Variants in MYO18B observed in about 807,000 individuals in gnomAD.
The protein encoded by MYO18B is unconventional myosin-XVIIIb.
In MYO18B, 204 loss-of-function variants were observed where a neutral mutation model predicts 273.0. That is an observed-to-expected ratio of 0.75 (90% CI 0.67 to 0.84). MYO18B has a LOEUF of 0.84. Ranked by LOEUF, MYO18B falls within the 40% of genes least tolerant of loss-of-function variation. The pLI, the probability that MYO18B is intolerant of heterozygous loss-of-function variation, is 0.00. For synonymous variants in MYO18B, 1,330 were observed against 1,305.7 expected (o/e 1.02, Z -0.40); for missense variants, 3,212 against 3,287.6 (o/e 0.98, Z 0.56).
At position 25,842,367 on chromosome 22, in the gene MYO18B, A is replaced by G. The variant is rs577517941; in HGVS notation, c.3209-1368A>G. On this transcript the variant is annotated intron_variant, in intron 17 of 43. Coordinates refer to ENST00000335473, the MANE Select transcript of MYO18B (RefSeq NM_032608.7). Reference sequence around the variant, plus strand: ...ATCCAAGAGTCATGATAATCTGACCACTCTTAATAGGAATCCATCTGGGGG... The same window carrying G: ...ATCCAAGAGTCATGATAATCTGACCGCTCTTAATAGGAATCCATCTGGGGG... Among the ~76,000 whole-genome samples the G allele has an allele frequency of 1.3e-4, 20 of 152,094 alleles. 1 individual carries two copies. The highest frequency in any genetic ancestry group is 3.9e-4 in the Admixed American group (6 of 15,266).
intron 18 of MYO18B, among the ~76,000 whole-genome samples, chr22:25,845,573 T>G (rs1206960453): frequency 6.6e-6 from 1 of 152,090 alleles, no homozygotes; most frequent in East Asian, 1.9e-4. Flanking sequence ...GCCACTAACC[T>G]CAGAATCTGT....
In MYO18B at chr22:26,030,923, T is replaced by C; in HGVS notation, c.*493T>C. On this transcript the variant is annotated 3_prime_UTR_variant, in exon 44 of 44. Transcript: ENST00000335473. The stretch of plus-strand genomic sequence containing the variant: ...TAATCCCCATGCTTGTCGATTATAT[T>C]CCTTTGCCAATTCATTTCTCTATCC... 2.5e-6 allele frequency: 1 copy of C among 398,588 alleles called. No homozygotes were observed. The highest frequency in any genetic ancestry group is 4.4e-6 in the Non-Finnish European group (1 of 226,062). 24.7% of individuals were successfully genotyped at this position (398,588 alleles called of 1,614,324 possible). A position where few individuals can be genotyped will look rare whatever the true frequency, so the allele number is the denominator to read the frequency against.
chr22:25,849,634 G>A (rs150789075), intron 20 of MYO18B, among the ~76,000 whole-genome samples: 1 of 152,164 alleles, frequency 6.6e-6, no homozygotes, highest in Non-Finnish European at 1.5e-5. Flanking sequence ...ATTACCTATC[G>A]TGCAGCCTGG....
At chr22:25,907,803 G>A (rs946271628) in intron 31 of MYO18B, among the ~76,000 whole-genome samples, 1 of 152,160 alleles carries the variant, frequency 6.6e-6, no homozygotes, top group Non-Finnish European at 1.5e-5. Context: ...GGGAGGCTGA[G>A]GCGGGTGGAT....
At chr22:26,051,368 C>G in the MYO18B span, among the ~76,000 whole-genome samples, 1 of 151,964 alleles carries the variant, frequency 6.6e-6, no homozygotes, top group South Asian at 2.1e-4. Context: ...GGATTACAGG[C>G]GCCCACCACC....
intron 34 of MYO18B, 35 bp from the exon 35 acceptor site, chr22:25,946,097 ATTTTC>A (rs1034265705): frequency 3.2e-6 from 3 of 951,762 alleles, no homozygotes; most frequent in Non-Finnish European, 4.2e-6. Flanking sequence ...TTCCCTTCTC[ATTTTC>A]TTTTCTTCTC....
At chr22:25,994,588 C>T (rs181523783) in intron 40 of MYO18B, among the ~76,000 whole-genome samples, 63 of 152,350 alleles carry the variant, frequency 4.1e-4, no homozygotes, top group Middle Eastern at 3.4e-3. Context: ...CAAGTATTCC[C>T]GCTATTCCCT....
chr22:25,841,013 C>G (rs773690365), intron 17 of MYO18B, among the ~76,000 whole-genome samples: 1 of 152,236 alleles, frequency 6.6e-6, no homozygotes, highest in Non-Finnish European at 1.5e-5. Flanking sequence ...TGAGAACATT[C>G]AATCATCCAG....
chr22:25,885,312 A>G (rs984285610), intron 25 of MYO18B, among the ~76,000 whole-genome samples: 10 of 152,200 alleles, frequency 6.6e-5, no homozygotes, highest in Non-Finnish European at 1.2e-4. Context: ...GGTGAATGGC[A>G]GAACTGTGAT....
chr22:25,770,274 G>C, intron 5 of MYO18B, 98 bp downstream of exon 5: 1 of 1,224,200 alleles, frequency 8.2e-7, no homozygotes. Flanking sequence ...ATACTTTGGT[G>C]GTCAGGAGGG....
intron 1 of MYO18B, among the ~76,000 whole-genome samples, chr22:25,749,781 G>A (rs1331544372): frequency 2.6e-5 from 4 of 152,190 alleles, no homozygotes; most frequent in African/African-American, 9.6e-5. Context: ...ATAGTAGGGT[G>A]CAGAGGGCTC....
intron 35 of MYO18B, among the ~76,000 whole-genome samples, chr22:25,946,759 C>T (rs1462596841): frequency 1.3e-5 from 2 of 152,290 alleles, no homozygotes; most frequent in East Asian, 1.9e-4. Flanking sequence ...TGAGATGGAA[C>T]TTGTTCCTTA....
intron 1 of MYO18B, among the ~76,000 whole-genome samples, chr22:25,750,962 T>C (rs1397605506): frequency 6.6e-6 from 1 of 152,224 alleles, no homozygotes; most frequent in African/African-American, 2.4e-5. Context: ...CTAAAGTGGC[T>C]GTGAGCTCAG....
At chr22:25,797,623 G>A (rs1272293439) in intron 11 of MYO18B, among the ~76,000 whole-genome samples, 1 of 152,064 alleles carries the variant, frequency 6.6e-6, no homozygotes, top group Admixed American at 6.6e-5. Flanking sequence ...ACCTTGAGAG[G>A]GCCTCAAAGT....
At chr22:25,778,541 G>A (rs1322589101) in intron 8 of MYO18B, among the ~76,000 whole-genome samples, 3 of 152,094 alleles carry the variant, frequency 2.0e-5, no homozygotes, top group Non-Finnish European at 4.4e-5. Flanking sequence ...GTGCAGTGGT[G>A]TGATCCCAGC....
intron 23 of MYO18B, among the ~76,000 whole-genome samples, chr22:25,875,513 C>CA (rs200216049): frequency 9.2e-5 from 14 of 152,018 alleles, no homozygotes; most frequent in East Asian, 1.9e-4. Flanking sequence ...GGTCCCCCCC[C>CA]CAGTGATAAG....
chr22:25,939,632 A>T (rs781631741), intron 34 of MYO18B, among the ~76,000 whole-genome samples: 7 of 152,182 alleles, frequency 4.6e-5, no homozygotes, highest in Non-Finnish European at 8.8e-5. Flanking sequence ...ATCAAAGCAC[A>T]TGGATGTTTG....
At chr22:25,867,225 C>T (rs1418998207) in intron 21 of MYO18B, among the ~76,000 whole-genome samples, 1 of 152,186 alleles carries the variant, frequency 6.6e-6, no homozygotes, top group African/African-American at 2.4e-5. Flanking sequence ...CATCCATCTG[C>T]ACAACGCTCT....
chr22:25,853,035 GGA>G (rs2090468138), intron 21 of MYO18B, among the ~76,000 whole-genome samples: 2 of 152,318 alleles, frequency 1.3e-5, no homozygotes, highest in East Asian at 3.9e-4. Context: ...GAAACTCGAT[GGA>G]GTGTTCTGAG....
Sources: gnomAD v4.1 joint callset for allele counts (sites outside exome capture counted in the v4.1 genomes callset) on GRCh38, gnomAD v4.1.1 for gene constraint, MANE v1.5 for transcripts, NCBI Gene and HGNC (gene_info 2026-07-23, HGNC 2026-07-21) for gene names.